VEGFA: variants seen among roughly 807,000 people sequenced by gnomAD.
The protein encoded by VEGFA is vascular endothelial growth factor A, also known as vascular endothelial growth factor A, long form.
A neutral mutation model predicts 49.7 loss-of-function variants in VEGFA; 20 were observed. The ratio of observed to expected loss-of-function variants is 0.40; its 90% CI spans 0.28 to 0.58. VEGFA has a LOEUF of 0.58. Ranked by LOEUF, VEGFA falls within the 20% of genes least tolerant of loss-of-function variation. The probability of loss-of-function intolerance (pLI) is 0.40; values close to 1 mark genes in which losing one functional copy is unlikely to be tolerated. For missense variants in VEGFA, 505 were observed against 553.5 expected (o/e 0.91, Z 0.88); for synonymous variants, 219 against 223.4 (o/e 0.98, Z 0.18).
chr6:43,779,268 G>A (rs963116913), intron 5 of VEGFA: 1 of 469,494 alleles, frequency 2.1e-6, no homozygotes, highest in East Asian at 4.0e-5. Flanking sequence ...AGAGGGAGTG[G>A]GTGGCAGAGA....
In VEGFA at chr6:43,771,353, G is replaced by A. The variant is rs774397258; in HGVS notation, c.606+41G>A. The A allele has an allele frequency of 2.5e-6, 4 of 1,583,930 alleles. No individual in the cohort carries two copies. In the South Asian group the frequency reaches 3.4e-5, roughly 13 times the overall value. On this transcript the variant is annotated intron_variant, in intron 1 of 7. Transcript: ENST00000672860. ...CTGCTGGCGCCGCGGGCCGCTGCGAGCGCCTCTCCCGGCTGGGGACGTGCG... is the reference window on the plus strand; with the variant it reads ...CTGCTGGCGCCGCGGGCCGCTGCGAACGCCTCTCCCGGCTGGGGACGTGCG...
At chr6:43,781,215 G>C in intron 6 of VEGFA, 1 of 393,746 alleles carries the variant, frequency 2.5e-6, no homozygotes, top group Non-Finnish European at 4.8e-6. Context: ...CATGGCCCAA[G>C]AAGGGCTGTG....
intron 3 of VEGFA, chr6:43,778,219 A>G: frequency 1.7e-6 from 1 of 591,606 alleles, no homozygotes; most frequent in Non-Finnish European, 3.0e-6. Context: ...AGCCTGGCCA[A>G]CCCTTGCAGC....
At chr6:43,778,376 G>T (rs1388849939) in intron 3 of VEGFA, 84 bp from the exon 4 acceptor site, 2 of 1,189,430 alleles carry the variant, frequency 1.7e-6, no homozygotes, top group African/African-American at 3.0e-5. Flanking sequence ...CCTGGGTGCT[G>T]AGTGGCAGGA....
intron 2 of VEGFA, chr6:43,775,515 AG>A (rs1037055469): frequency 1.3e-5 from 2 of 152,124 alleles, no homozygotes; most frequent in Non-Finnish European, 2.9e-5. Context: ...ATTCATTCCA[AG>A]GGGAAGCTTT....
rs2127997389 is a variant in VEGFA, at chr6:43,771,297, C to T, written c.591C>T (p.Tyr197=). The change falls in exon 1 of 8, where the codon TAC becomes TAT. Residue 197 remains tyrosine (Y), a synonymous_variant. Coordinates refer to ENST00000672860, the MANE Select transcript of VEGFA (RefSeq NM_003376.6). ...ATTGGAGCCTTGCCTTGCTGCTCTA[C>T]CTCCACCATGCCAAGGTAAGCGGTC... is the stretch of plus-strand genomic sequence containing the variant. 1 of 1,604,878 alleles carries T rather than the reference C, an allele frequency of 6.2e-7. No individual in the cohort carries two copies. Among genetic ancestry groups the T allele is most frequent in the Middle Eastern group, 1.7e-4 (1 of 6,012 alleles).
In VEGFA at chr6:43,770,995, G is replaced by A. The variant is rs1179946537; in HGVS notation, c.289G>A (p.Glu97Lys). The change falls in exon 1 of 8, where the codon GAG (glutamate) becomes AAG (lysine). Residue 97 changes from glutamate to lysine, a missense_variant. Glu to Lys is a moderately conservative substitution (Grantham distance 56). Transcript: ENST00000672860. Reference sequence around the variant, plus strand: ...GGAGCCGCAGCCGGAGGAGGGGGAGGAGGAAGAAGAGAAGGAAGAGGAGAG... The same window carrying A: ...GGAGCCGCAGCCGGAGGAGGGGGAGAAGGAAGAAGAGAAGGAAGAGGAGAG... 1.9e-6 allele frequency: 3 copies of A among 1,542,090 alleles called. No individual in the cohort carries two copies. The highest frequency in any genetic ancestry group is 2.5e-5 in the East Asian group (1 of 40,172).
At chr6:43,771,565 G>A (rs1301636487) in intron 1 of VEGFA, among the ~76,000 whole-genome samples, 1 of 152,218 alleles carries the variant, frequency 6.6e-6, no homozygotes, top group Non-Finnish European at 1.5e-5. Context: ...CGTACGATCT[G>A]GGCCGACCAG....
Position 43,777,441 on chromosome 6 carries a change from G to A in VEGFA, c.659-28G>A, listed in dbSNP as rs1451665541. 6.2e-7 allele frequency: 1 copy of A among 1,612,884 alleles called. No homozygotes were observed. Among genetic ancestry groups the A allele is most frequent in the Non-Finnish European group, 8.5e-7 (1 of 1,179,922 alleles). On this transcript the variant is annotated intron_variant, in intron 2 of 7. Transcript: ENST00000672860. This position sits in a 1 kb window ranked among gnomAD's most constrained non-coding sequence, Gnocchi z 4.3. ...TAGCCATCTTTTGTGTCGCCCACCG[G>A]GCTCATGTGTCATCGCCTCTCATGC...
chr6:43,784,303 A>G (rs2128061325), intron 7 of VEGFA: 1 of 606,456 alleles, frequency 1.6e-6, no homozygotes, highest in East Asian at 2.8e-5. Context: ...TCAGGAGGGT[A>G]GACTGGGAGC....
chr6:43,774,146 C>T, intron 1 of VEGFA, 195 bp from the exon 2 acceptor site: 1 of 648,432 alleles, frequency 1.5e-6, no homozygotes, highest in Non-Finnish European at 2.8e-6. Context: ...GGTTCATAAC[C>T]ATAGCAGTCC....
rs1248736644 is a variant in VEGFA at position 43,770,716 on chromosome 6, A to G, written c.10A>G (p.Arg4Gly). 1.9e-6 allele frequency: 3 copies of G among 1,543,694 alleles called. No homozygotes were observed. Among genetic ancestry groups the G allele is most frequent in the African/African-American group, 1.4e-5 (1 of 70,694 alleles). The change falls in exon 1 of 8, where the codon AGA becomes GGA. Residue 4 changes from arginine to glycine, a missense_variant. Physicochemically the swap from Arg to Gly is moderately radical, Grantham distance 125. This residue lies in a region of VEGFA where 340 missense variants were observed against 321.8 expected (regional missense o/e 1.06). Transcript: ENST00000672860. ...CAGCTGACCAGTCGCGCTGACGGAC[A>G]GACAGACAGACACCGCCCCCAGCCC...
rs2127995236 is a variant in VEGFA at position 43,770,674 on chromosome 6, T to TC, written c.-28dup. The TC allele has an allele frequency of 1.3e-6, 2 of 1,533,060 alleles. No individual in the cohort carries two copies. The highest frequency in any genetic ancestry group is 2.4e-5 in the South Asian group (2 of 82,470). The allele number at this position is 1,533,060 out of a possible 1,614,324, so 95.0% of individuals were successfully genotyped here. Reference sequence around the variant, plus strand: ...GACCGCCGGAGCGCGGCGTGAGCCCTCCCCCTTGGGATCCCGCAGCTGACC... The same window carrying TC: ...GACCGCCGGAGCGCGGCGTGAGCCCTCCCCCCTTGGGATCCCGCAGCTGACC... On this transcript the variant is annotated 5_prime_UTR_variant, in exon 1 of 8. Transcript: ENST00000672860.
rs765956779 is a variant in VEGFA, at chr6:43,780,840, C to T, written c.1034+37C>T. ...CCCGCTGCTGTCTAATGCCCTGGAG[C>T]CTCCCTGGCCCCCAGTACAACCTCC... On this transcript the variant is annotated intron_variant, in intron 6 of 7. Transcript: ENST00000672860. 22 of 1,613,750 alleles carry T rather than the reference C, an allele frequency of 1.4e-5. No individual in the cohort carries two copies. The East Asian group carries it at 4.9e-4, about 36-fold the overall frequency.
At chr6:43,779,688 C>A in intron 5 of VEGFA, 1 of 469,808 alleles carries the variant, frequency 2.1e-6, no homozygotes, top group East Asian at 6.5e-5. Flanking sequence ...TGCCTCTTCC[C>A]TCAGCTCCCA....
chr6:43,781,880 G>T lies in VEGFA; in HGVS notation c.1035-76G>T, dbSNP rs894174318. On this transcript the variant is annotated intron_variant, in intron 6 of 7. Transcript: ENST00000672860. ...GGTGCAGCTGCGGACATGTTAGGGGGTGTTGCATGGTGATTTTTTTTCTCT... is the reference window on the plus strand; with the variant it reads ...GGTGCAGCTGCGGACATGTTAGGGGTTGTTGCATGGTGATTTTTTTTCTCT... The T allele has an allele frequency of 4.4e-6, 7 of 1,586,174 alleles. No individual in the cohort carries two copies. In the East Asian group the frequency reaches 1.1e-4, roughly 26 times the overall value.
At position 43,771,219 on chromosome 6, in the gene VEGFA, C is replaced by T. The variant is rs745507873; in HGVS notation, c.513C>T (p.Arg171=). 1.3e-5 allele frequency: 21 copies of T among 1,604,468 alleles called. No individual in the cohort carries two copies. The South Asian group carries it at 2.1e-4, about 16-fold the overall frequency. Residue 171 remains arginine (R), a synonymous_variant, in exon 1 of 8, where the codon CGC becomes CGT. Transcript: ENST00000672860. Reference sequence around the variant, plus strand: ...CGAGCCGGAGAGGGAGCGCGAGCCGCGCCGGCCCCGGTCGGGCCTCCGAAA... The same window carrying T: ...CGAGCCGGAGAGGGAGCGCGAGCCGTGCCGGCCCCGGTCGGGCCTCCGAAA...
rs1482267742 is a variant in VEGFA at position 43,774,336 on chromosome 6, C to T, written c.607-5C>T. The T allele has an allele frequency of 6.2e-7, 1 of 1,614,136 alleles. No individual in the cohort carries two copies. The highest frequency in any genetic ancestry group is 1.3e-5 in the African/African-American group (1 of 75,044). ...GCCCATGCCTTGCTCTCTTTCTGTC[C>T]TCAGTGGTCCCAGGCTGCACCCATG... On this transcript the variant is annotated splice_polypyrimidine_tract_variant and splice_region_variant and intron_variant, in intron 1 of 7. Transcript: ENST00000672860.
chr6:43,779,536 G>T (rs528907196), intron 5 of VEGFA: 90 of 385,888 alleles, frequency 2.3e-4, no homozygotes, highest in Non-Finnish European at 3.9e-4. Flanking sequence ...CTTCAAGACA[G>T]GGTGGGCGGC....
Sources: gnomAD v4.1 joint callset for allele counts (sites outside exome capture counted in the v4.1 genomes callset) on GRCh38, gnomAD v4.1.1 for gene constraint, gnomAD v4.1.1 regional missense constraint, Gnocchi (gnomAD v3.1) non-coding constraint, MANE v1.5 for transcripts, NCBI Gene and HGNC (gene_info 2026-07-23, HGNC 2026-07-21) for gene names.